Variants in RETREG1 observed in about 807,000 individuals in gnomAD.
The protein encoded by RETREG1 is family with sequence similarity 134 member B.
RETREG1 carries 44 observed loss-of-function variants against 54.8 expected under a neutral mutation model. The ratio of observed to expected loss-of-function variants is 0.80; its 90% CI spans 0.63 to 1.03. The LOEUF (loss-of-function observed/expected upper bound fraction) is 1.03, where lower values mean the gene tolerates loss of function less well. Ranked by LOEUF, RETREG1 falls within the 50% of genes least tolerant of loss-of-function variation. The probability of loss-of-function intolerance (pLI) is 0.00; values close to 1 mark genes in which losing one functional copy is unlikely to be tolerated. For synonymous variants in RETREG1, 217 were observed against 238.5 expected, an observed-to-expected ratio of 0.91 and a Z score of 0.83; for missense variants, 554 against 605.1, an observed-to-expected ratio of 0.92 and a Z score of 0.89.
chr5:16,532,794 A>G (rs1740951710), intron 3 of RETREG1, among the ~76,000 whole-genome samples: 1 of 152,220 alleles, frequency 6.6e-6, no homozygotes, highest in African/African-American at 2.4e-5. Flanking sequence ...GTAAAATACT[A>G]TGGTGAAATG....
chr5:16,566,292 A>T (rs1472375429), intron 2 of RETREG1, among the ~76,000 whole-genome samples: 1 of 152,252 alleles, frequency 6.6e-6, no homozygotes, highest in African/African-American at 2.4e-5. Flanking sequence ...ATTTGAAAAA[A>T]GGAGATTTTT....
intron 2 of RETREG1, among the ~76,000 whole-genome samples, chr5:16,568,242 A>G (rs1742072523): frequency 7.5e-6 from 1 of 133,508 alleles, no homozygotes; most frequent in South Asian, 2.3e-4. Flanking sequence ...CACAGGTTTC[A>G]CAAACATTCA....
intron 3 of RETREG1, among the ~76,000 whole-genome samples, chr5:16,537,400 T>G (rs976628205): frequency 2.0e-4 from 31 of 152,050 alleles, no homozygotes; most frequent in African/African-American, 6.8e-4. Context: ...GCTGCAAACA[T>G]CTGCAGCAGC....
intron 1 of RETREG1, among the ~76,000 whole-genome samples, chr5:16,577,625 G>C (rs1742363590): frequency 6.6e-6 from 1 of 152,046 alleles, no homozygotes; most frequent in Admixed American, 6.6e-5. Flanking sequence ...CAGTTCCCTA[G>C]TGTCCTCTAA....
chr5:16,480,951 A>T, intron 5 of RETREG1, 58 bp downstream of exon 5: 1 of 1,163,468 alleles, frequency 8.6e-7, no homozygotes, highest in Non-Finnish European at 1.3e-6. Context: ...AGGTCTGTTG[A>T]CCGTAAGGTG....
At chr5:16,602,727 G>A (rs1579723240) in intron 1 of RETREG1, among the ~76,000 whole-genome samples, 1 of 152,146 alleles carries the variant, frequency 6.6e-6, no homozygotes, top group Non-Finnish European at 1.5e-5. Context: ...TCACTTAGAG[G>A]CCGGGTGCAG....
intron 3 of RETREG1, among the ~76,000 whole-genome samples, chr5:16,551,975 C>T (rs1741555450): frequency 6.6e-6 from 1 of 152,134 alleles, no homozygotes; most frequent in Admixed American, 6.5e-5. Flanking sequence ...CTGCCTCCTT[C>T]CTAAAAGAAC....
chr5:16,590,807 AAC>A (rs1460464549), intron 1 of RETREG1, among the ~76,000 whole-genome samples: 2 of 151,564 alleles, frequency 1.3e-5, no homozygotes, highest in Non-Finnish European at 2.9e-5. Context: ...CACACAAAAA[AAC>A]ACACAGACAT....
chr5:16,608,115 G>T (rs1743245788), intron 1 of RETREG1, among the ~76,000 whole-genome samples: 1 of 152,080 alleles, frequency 6.6e-6, no homozygotes, highest in Admixed American at 6.6e-5. Context: ...CCTGACCTCA[G>T]GTGATATGCC....
intron 3 of RETREG1, among the ~76,000 whole-genome samples, chr5:16,486,764 G>A (rs1445571913): frequency 6.6e-6 from 1 of 152,194 alleles, no homozygotes; most frequent in Non-Finnish European, 1.5e-5. Flanking sequence ...CAGAAGAGAT[G>A]AGGTGTGATT....
rs116529223 is a variant in RETREG1 at position 16,522,467 on chromosome 5, G to A, written c.459-38995C>T. On this transcript the variant is annotated intron_variant, in intron 3 of 8. Coordinates refer to ENST00000306320, the MANE Select transcript of RETREG1 (RefSeq NM_001034850.3). Reference sequence around the variant, plus strand: ...TCCAGTAAGTGGCTTCACTTCTATCGGGGTATGAGCAAAACACCTTCAATG... The same window carrying A: ...TCCAGTAAGTGGCTTCACTTCTATCAGGGTATGAGCAAAACACCTTCAATG... Among the ~76,000 whole-genome samples, 674 of 152,182 alleles carry A rather than the reference G, an allele frequency of 4.4e-3. 4 individuals carry two copies. The highest frequency in any genetic ancestry group is 0.015 in the African/African-American group (624 of 41,520).
intron 2 of RETREG1, among the ~76,000 whole-genome samples, chr5:16,569,035 C>T (rs551709215): frequency 1.3e-5 from 2 of 152,254 alleles, no homozygotes; most frequent in African/African-American, 4.8e-5. Flanking sequence ...TGATTGACGC[C>T]ATGGAGTTAC....
chr5:16,526,188 T>C (rs1009316874), intron 3 of RETREG1, among the ~76,000 whole-genome samples: 4 of 152,238 alleles, frequency 2.6e-5, no homozygotes, highest in African/African-American at 9.6e-5. Context: ...GGGTATCAAA[T>C]GGCTCAGGGA....
intron 3 of RETREG1, among the ~76,000 whole-genome samples, chr5:16,548,851 T>A (rs1262054587): frequency 6.6e-6 from 1 of 152,246 alleles, no homozygotes; most frequent in African/African-American, 2.4e-5. Flanking sequence ...TTAGCAGAAC[T>A]GTGAGAAATA....
At chr5:16,492,780 T>C (rs1170329907) in intron 3 of RETREG1, among the ~76,000 whole-genome samples, 2 of 152,216 alleles carry the variant, frequency 1.3e-5, no homozygotes, top group Non-Finnish European at 2.9e-5. Context: ...TATGACTGTA[T>C]GTAGGCAGAG....
intron 2 of RETREG1, among the ~76,000 whole-genome samples, chr5:16,569,127 G>A (rs1388049564): frequency 6.6e-6 from 1 of 152,076 alleles, no homozygotes; most frequent in Non-Finnish European, 1.5e-5. Flanking sequence ...CCCTGCGCTA[G>A]GAGGCCTGCG....
chr5:16,612,711 CCT>C (rs1743381739), intron 1 of RETREG1, among the ~76,000 whole-genome samples: 1 of 152,134 alleles, frequency 6.6e-6, no homozygotes, highest in Admixed American at 6.5e-5. Context: ...TTACCAAACT[CCT>C]CTGAGTTCTC....
chr5:16,484,518 G>A (rs750476602), intron 3 of RETREG1, among the ~76,000 whole-genome samples: 8 of 152,180 alleles, frequency 5.3e-5, no homozygotes, highest in Non-Finnish European at 1.2e-4. Context: ...CATCTGAGCT[G>A]TGGTAGGGTA....
In RETREG1 at chr5:16,502,725, T is replaced by A. The variant is rs114615390; in HGVS notation, c.459-19253A>T. On this transcript the variant is annotated intron_variant, in intron 3 of 8. Transcript: ENST00000306320. ...ATTTTTATCTTCCCAAATGAACAGC[T>A]ATAACATCCTTTAGTGGGAAAATTC... Among the ~76,000 whole-genome samples the A allele has an allele frequency of 7.1e-3, 1,084 of 152,344 alleles. 12 individuals are homozygous for A. The highest frequency in any genetic ancestry group is 0.025 in the African/African-American group (1,027 of 41,574).
Sources: allele counts gnomAD v4.1 joint callset (sites outside exome capture counted in the v4.1 genomes callset), GRCh38; gene constraint gnomAD v4.1.1; transcripts MANE v1.5; gene names NCBI Gene and HGNC (gene_info 2026-07-23, HGNC 2026-07-21).